COL28A1: variants seen among roughly 807,000 people sequenced by gnomAD.
COL28A1 encodes collagen alpha-1(XXVIII) chain.
COL28A1 carries 161 observed loss-of-function variants against 150.2 expected under a neutral mutation model. The observed-to-expected ratio is 1.07, with a 90% CI of 0.94 to 1.22. The LOEUF (loss-of-function observed/expected upper bound fraction) is 1.22, where lower values mean the gene tolerates loss of function less well. Among genes scored for constraint, COL28A1 ranks in the 50% most tolerant of loss-of-function variants. The pLI is 0.00. For missense variants in COL28A1, 1,617 were observed against 1,388.3 expected (o/e 1.16, Z -2.62); for synonymous variants, 552 against 469.7 (o/e 1.18, Z -2.26).
At chr7:7,494,835 G>A (rs558976565) in intron 11 of COL28A1, among the ~76,000 whole-genome samples, 4 of 152,252 alleles carry the variant, frequency 2.6e-5, no homozygotes, top group East Asian at 1.9e-4. Flanking sequence ...TCTACCTTAA[G>A]GAATTGGGAA....
intron 11 of COL28A1, among the ~76,000 whole-genome samples, chr7:7,499,664 A>G (rs1444328181): frequency 6.6e-6 from 1 of 151,982 alleles, no homozygotes; most frequent in Admixed American, 6.5e-5. Flanking sequence ...TTTGACTTAT[A>G]TAAGAACTGA....
intron 33 of COL28A1, among the ~76,000 whole-genome samples, chr7:7,370,065 G>A (rs927940248): frequency 1.3e-5 from 2 of 152,176 alleles, no homozygotes; most frequent in Non-Finnish European, 2.9e-5. Flanking sequence ...CCCATAATCT[G>A]ATTGGCTGAA....
At chr7:7,352,573 G>T (rs555095511), downstream of COL28A1, among the ~76,000 whole-genome samples, 11 of 152,294 alleles carry the variant, frequency 7.2e-5, 1 homozygote, top group South Asian at 2.3e-3. Context: ...ACATGCTGTT[G>T]CTGGCTTTAA....
At chr7:7,362,027 T>A (rs1259895281) in intron 33 of COL28A1, among the ~76,000 whole-genome samples, 1 of 152,034 alleles carries the variant, frequency 6.6e-6, no homozygotes, top group Non-Finnish European at 1.5e-5. Context: ...ATGGGGCCTG[T>A]CTGTGGGTGG....
intron 7 of COL28A1, among the ~76,000 whole-genome samples, chr7:7,516,242 A>G (rs572944169): frequency 3.9e-5 from 6 of 152,270 alleles, no homozygotes; most frequent in Non-Finnish European, 7.3e-5. Flanking sequence ...AGACTCTGAA[A>G]GAAATTGGCT....
chr7:7,535,706 C>T (rs1444924578), intron 1 of COL28A1, 44 bp downstream of exon 1: 1 of 152,076 alleles, frequency 6.6e-6, no homozygotes, highest in Non-Finnish European at 1.5e-5. Flanking sequence ...CCTTGATGGT[C>T]CTATCTGATT....
chr7:7,492,391 T>C (rs1200578648), intron 11 of COL28A1, among the ~76,000 whole-genome samples: 3 of 147,894 alleles, frequency 2.0e-5, no homozygotes, highest in Non-Finnish European at 4.5e-5. Flanking sequence ...CTGGCCAACA[T>C]GGTGAAACAC....
intron 7 of COL28A1, 72 bp downstream of exon 7, chr7:7,517,724 T>A (rs955693089): frequency 2.5e-6 from 4 of 1,607,704 alleles, no homozygotes; most frequent in Non-Finnish European, 3.4e-6. Flanking sequence ...ACTAAGGGGG[T>A]CAAAATGGTC....
intron 14 of COL28A1, among the ~76,000 whole-genome samples, chr7:7,475,412 T>C (rs1788781059): frequency 6.6e-6 from 1 of 152,238 alleles, no homozygotes; most frequent in African/African-American, 2.4e-5. Flanking sequence ...TGAAATATTC[T>C]GATTCTGGGT....
chr7:7,499,213 C>T (rs542858276), intron 11 of COL28A1, among the ~76,000 whole-genome samples: 13 of 152,128 alleles, frequency 8.5e-5, no homozygotes, highest in Non-Finnish European at 1.5e-4. Context: ...ACTTTGACGT[C>T]TTTGAAGGAA....
intron 21 of COL28A1, among the ~76,000 whole-genome samples, chr7:7,439,652 T>C (rs555750411): frequency 2.6e-5 from 4 of 152,318 alleles, no homozygotes; most frequent in African/African-American, 4.8e-5. Context: ...CACTTTGAAA[T>C]AGAGTAACTA....
chr7:7,509,112 G>A (rs1250787560), intron 9 of COL28A1, among the ~76,000 whole-genome samples: 2 of 152,100 alleles, frequency 1.3e-5, no homozygotes, highest in East Asian at 3.9e-4. Context: ...GGGATTACAG[G>A]CATAAGCCAC....
chr7:7,514,696 C>A (rs1439304593), intron 8 of COL28A1, among the ~76,000 whole-genome samples: 1 of 152,188 alleles, frequency 6.6e-6, no homozygotes. Context: ...AATTAAAAGA[C>A]TTATGAATTC....
At chr7:7,457,210 G>C (rs1364641683) in intron 15 of COL28A1, among the ~76,000 whole-genome samples, 2 of 152,168 alleles carry the variant, frequency 1.3e-5, no homozygotes, top group Admixed American at 6.5e-5. Context: ...GAAGGGAAGT[G>C]AGAGATCTGA....
At position 7,373,567 on chromosome 7, in the gene COL28A1, G is replaced by C; in HGVS notation, c.2360-21C>G. The C allele has an allele frequency of 1.9e-6, 3 of 1,580,964 alleles. No homozygotes were observed. The highest frequency in any genetic ancestry group is 2.6e-6 in the Non-Finnish European group (3 of 1,162,002). Reference sequence around the variant, plus strand: ...ACAACCTAAAAGATGAATGTTGAGAGAGAAAAATTGTGGGAATGATTGACA... The same window carrying C: ...ACAACCTAAAAGATGAATGTTGAGACAGAAAAATTGTGGGAATGATTGACA... On this transcript the variant is annotated intron_variant, in intron 31 of 34. Coordinates refer to ENST00000399429, the MANE Select transcript of COL28A1 (RefSeq NM_001037763.3). The surrounding 1 kb of genome is among the most constrained non-coding windows in gnomAD (Gnocchi z 4.1).
chr7:7,426,898 C>T (rs920750833), intron 25 of COL28A1, among the ~76,000 whole-genome samples: 7 of 152,154 alleles, frequency 4.6e-5, no homozygotes, highest in South Asian at 4.2e-4. Context: ...CTGCCCCTTA[C>T]GACAGTGAGA....
rs574987205 is a variant in COL28A1 at position 7,399,962 on chromosome 7, C to T, written c.2136+17897G>A. Among the ~76,000 whole-genome samples the T allele has an allele frequency of 1.2e-4, 19 of 152,348 alleles. No individual in the cohort carries two copies. In the South Asian group the frequency reaches 3.9e-3, roughly 32 times the overall value. On this transcript the variant is annotated intron_variant, in intron 27 of 34. Transcript: ENST00000399429. ...GTGGCCACAGCTGCTACAATAGCAG[C>T]AGGAATGGGGCCTCCAAGCAAAGCA...
At chr7:7,458,335 G>A (rs1032919756) in intron 15 of COL28A1, among the ~76,000 whole-genome samples, 1 of 151,968 alleles carries the variant, frequency 6.6e-6, no homozygotes, top group African/African-American at 2.4e-5. Flanking sequence ...AGAATCATTT[G>A]AACCGGGGAG....
In COL28A1 at chr7:7,358,358, T is replaced by A; in HGVS notation, c.*275A>T. ...TTGTGAAGTAGATAGAGTCTGTGTA[T>A]TGAAGTTACACAGCTCTAAGTCTAA... On this transcript the variant is annotated 3_prime_UTR_variant, in exon 35 of 35. Coordinates refer to ENST00000399429, the MANE Select transcript of COL28A1 (RefSeq NM_001037763.3). 3.3e-6 allele frequency: 1 copy of A among 306,302 alleles called. No individual in the cohort carries two copies. The highest frequency in any genetic ancestry group is 6.0e-6 in the Non-Finnish European group (1 of 165,860). 19.0% of individuals were successfully genotyped at this position (306,302 alleles called of 1,614,324 possible). A position where few individuals can be genotyped will look rare whatever the true frequency, so the allele number is the denominator to read the frequency against.
Sources: allele counts gnomAD v4.1 joint callset (sites outside exome capture counted in the v4.1 genomes callset), GRCh38; gene constraint gnomAD v4.1.1; non-coding constraint Gnocchi (gnomAD v3.1); transcripts MANE v1.5; gene names NCBI Gene and HGNC (gene_info 2026-07-23, HGNC 2026-07-21).